The following SLC2A13 variants were observed in gnomAD, a reference collection of about 807,000 sequenced individuals.
SLC2A13 encodes the protein proton myo-inositol cotransporter.
In SLC2A13, 32 loss-of-function variants were observed where a neutral mutation model predicts 64.4. The observed-to-expected ratio is 0.50, with a 90% CI of 0.37 to 0.67. SLC2A13 has a LOEUF of 0.67. SLC2A13 is among the 30% of genes least tolerant of loss of function. The pLI, the probability that SLC2A13 is intolerant of heterozygous loss-of-function variation, is 0.00. For missense variants in SLC2A13, 743 were observed against 829.2 expected (o/e 0.90, Z 1.28); for synonymous variants, 338 against 327.1 (o/e 1.03, Z -0.36).
intron 4 of SLC2A13, among the ~76,000 whole-genome samples, chr12:39,910,334 ATG>A (rs1945401064): frequency 1.3e-5 from 2 of 152,176 alleles, no homozygotes; most frequent in Non-Finnish European, 2.9e-5. Flanking sequence ...ATGATAAACT[ATG>A]CATTGATGCT....
chr12:39,962,056 G>A (rs766253174), intron 3 of SLC2A13, among the ~76,000 whole-genome samples: 3 of 152,148 alleles, frequency 2.0e-5, no homozygotes, highest in Admixed American at 6.5e-5. Context: ...GGAGATGAGC[G>A]TTACACAGTA....
At chr12:39,761,861 G>A (rs944597738) in intron 9 of SLC2A13, among the ~76,000 whole-genome samples, 3 of 151,996 alleles carry the variant, frequency 2.0e-5, no homozygotes, top group Non-Finnish European at 4.4e-5. Context: ...AAATATAATA[G>A]TATATTTTAT....
At chr12:40,085,376 G>C (rs1451137791) in intron 1 of SLC2A13, among the ~76,000 whole-genome samples, 1 of 152,192 alleles carries the variant, frequency 6.6e-6, no homozygotes, top group Non-Finnish European at 1.5e-5. Context: ...TTTGCAACCG[G>C]TGTCTGAAGG....
At chr12:39,925,379 G>C (rs1592288448) in intron 4 of SLC2A13, among the ~76,000 whole-genome samples, 1 of 152,122 alleles carries the variant, frequency 6.6e-6, no homozygotes, top group East Asian at 1.9e-4. Flanking sequence ...TTAGAAAGTA[G>C]TAAGATGAAC....
Position 40,097,088 on chromosome 12 carries a change from C to G in SLC2A13, c.556+8165G>C, listed in dbSNP as rs1454311781. Among the ~76,000 whole-genome samples, 3 of 152,090 alleles carry G rather than the reference C, an allele frequency of 2.0e-5. No homozygotes were observed. In the East Asian group the frequency reaches 5.8e-4, roughly 29 times the overall value. On this transcript the variant is annotated intron_variant, in intron 1 of 9. Transcript: ENST00000280871. Reference sequence around the variant, plus strand: ...TTAAACTAAGGAAAATACCAATGTTCCTACTTACTGAGGTGAATGCAAACA... The same window carrying G: ...TTAAACTAAGGAAAATACCAATGTTGCTACTTACTGAGGTGAATGCAAACA...
At chr12:39,835,953 G>T (rs929280033) in intron 6 of SLC2A13, among the ~76,000 whole-genome samples, 1 of 152,080 alleles carries the variant, frequency 6.6e-6, no homozygotes, top group East Asian at 1.9e-4. Flanking sequence ...GCCACGTGGT[G>T]AAAGCCACAA....
At chr12:40,011,291 C>A (rs538545059) in intron 3 of SLC2A13, among the ~76,000 whole-genome samples, 1 of 152,244 alleles carries the variant, frequency 6.6e-6, no homozygotes, top group East Asian at 1.9e-4. Context: ...ACATCACATT[C>A]CCTGAGCTGT....
At chr12:39,980,176 C>T (rs1338531599) in intron 3 of SLC2A13, among the ~76,000 whole-genome samples, 2 of 151,570 alleles carry the variant, frequency 1.3e-5, no homozygotes, top group East Asian at 1.9e-4. Flanking sequence ...GAAGGAAGCG[C>T]TAAACATGGA....
At chr12:40,051,724 G>C (rs1948259162) in intron 1 of SLC2A13, among the ~76,000 whole-genome samples, 1 of 152,156 alleles carries the variant, frequency 6.6e-6, no homozygotes, top group African/African-American at 2.4e-5. Context: ...GGGCCTTCAG[G>C]CAGGACGAAA....
chr12:40,005,200 A>G (rs1398843683), intron 3 of SLC2A13, among the ~76,000 whole-genome samples: 2 of 152,226 alleles, frequency 1.3e-5, no homozygotes, highest in Non-Finnish European at 2.9e-5. Flanking sequence ...AGAGTTAAAG[A>G]AAAAGGGGCC....
At chr12:39,796,213 C>T (rs1941569309) in intron 7 of SLC2A13, among the ~76,000 whole-genome samples, 1 of 152,120 alleles carries the variant, frequency 6.6e-6, no homozygotes, top group African/African-American at 2.4e-5. Flanking sequence ...TTCACTCCCA[C>T]GATGTAGGGG....
chr12:39,914,646 AT>A (rs1290018261), intron 4 of SLC2A13, among the ~76,000 whole-genome samples: 1 of 151,892 alleles, frequency 6.6e-6, no homozygotes, highest in African/African-American at 2.4e-5. Context: ...AAAAACTGCA[AT>A]TACTTTTGCA....
chr12:39,882,290 G>C (rs934541286), intron 4 of SLC2A13, among the ~76,000 whole-genome samples: 1 of 152,122 alleles, frequency 6.6e-6, no homozygotes, highest in Non-Finnish European at 1.5e-5. Context: ...AGTAGGTCTA[G>C]GACCAAGAAT....
intron 2 of SLC2A13, among the ~76,000 whole-genome samples, chr12:40,036,417 A>G (rs1217845370): frequency 6.6e-6 from 1 of 152,230 alleles, no homozygotes; most frequent in Non-Finnish European, 1.5e-5. Context: ...CACTATCTCA[A>G]TCAAGAAAGA....
intron 6 of SLC2A13, among the ~76,000 whole-genome samples, chr12:39,837,159 A>T (rs1943030946): frequency 7.5e-6 from 1 of 133,346 alleles, no homozygotes; most frequent in South Asian, 2.6e-4. Flanking sequence ...TCAATGGAAC[A>T]GAACAGAGCC....
At chr12:40,069,041 A>G (rs1937855747) in intron 1 of SLC2A13, among the ~76,000 whole-genome samples, 1 of 152,142 alleles carries the variant, frequency 6.6e-6, no homozygotes, top group African/African-American at 2.4e-5. Flanking sequence ...GCATACATTT[A>G]TGCATCTCAT....
intron 3 of SLC2A13, among the ~76,000 whole-genome samples, chr12:40,000,371 C>T (rs551194091): frequency 6.6e-6 from 1 of 152,150 alleles, no homozygotes; most frequent in East Asian, 1.9e-4. Context: ...TGAACCTCTA[C>T]CCTCTACTAA....
At chr12:39,931,326 C>T (rs1363597754) in intron 4 of SLC2A13, among the ~76,000 whole-genome samples, 1 of 152,178 alleles carries the variant, frequency 6.6e-6, no homozygotes, top group Admixed American at 6.5e-5. Context: ...ATGCCTGCTA[C>T]TAAATGAGAC....
chr12:39,795,651 T>C (rs994111113), intron 7 of SLC2A13, among the ~76,000 whole-genome samples: 2 of 152,214 alleles, frequency 1.3e-5, no homozygotes, highest in Non-Finnish European at 2.9e-5. Flanking sequence ...TTACATTGGC[T>C]GTTGCTAGAC....
Sources: gnomAD v4.1 joint callset for allele counts (sites outside exome capture counted in the v4.1 genomes callset) on GRCh38, gnomAD v4.1.1 for gene constraint, MANE v1.5 for transcripts, NCBI Gene and HGNC (gene_info 2026-07-23, HGNC 2026-07-21) for gene names.